PSMD4: variants seen among roughly 807,000 people sequenced by gnomAD.
The protein encoded by PSMD4 is 26S proteasome non-ATPase regulatory subunit 4.
In PSMD4, 5 loss-of-function variants were observed where a neutral mutation model predicts 39.7. That is an observed-to-expected ratio of 0.13 (90% CI 0.07 to 0.26). The LOEUF is 0.26. Ranked by LOEUF, PSMD4 falls within the 10% of genes least tolerant of loss-of-function variation. PSMD4 has a pLI of 1.00. For missense variants in PSMD4, 272 were observed against 486.1 expected (o/e 0.56, Z 4.14); for synonymous variants, 143 against 174.6 (o/e 0.82, Z 1.43).
intron 1 of PSMD4, among the ~76,000 whole-genome samples, chr1:151,257,533 G>C (rs1263954214): frequency 6.6e-6 from 1 of 151,892 alleles, no homozygotes; most frequent in African/African-American, 2.4e-5. Flanking sequence ...TGGGAAGAAT[G>C]GCCAATTTTA....
intron 3 of PSMD4, among the ~76,000 whole-genome samples, chr1:151,264,568 G>A (rs1198284653): frequency 2.0e-5 from 3 of 150,870 alleles, no homozygotes; most frequent in East Asian, 3.9e-4. Flanking sequence ...CTGAGATCAC[G>A]CCACTGCACT....
chr1:151,256,071 G>A (rs906337203), intron 1 of PSMD4, among the ~76,000 whole-genome samples: 2 of 79,758 alleles, frequency 2.5e-5, no homozygotes, highest in Non-Finnish European at 6.0e-5. Flanking sequence ...TCTGGCTGGG[G>A]CGTGGCTCAG....
chr1:151,258,464 T>G (rs1344151962), intron 1 of PSMD4, among the ~76,000 whole-genome samples: 2 of 113,952 alleles, frequency 1.8e-5, no homozygotes, highest in African/African-American at 3.3e-5. Flanking sequence ...TTTTTTTTTT[T>G]TTTTTTTTTT....
chr1:151,265,979 C>A, intron 6 of PSMD4, 25 bp from the exon 7 acceptor site: 1 of 1,547,470 alleles, frequency 6.5e-7, no homozygotes, highest in Non-Finnish European at 8.7e-7. Context: ...CAGGGGAGCC[C>A]TGATTATGCC....
In PSMD4 at chr1:151,264,938, G is replaced by A. The variant is rs748054856; in HGVS notation, c.369+20G>A. Reference sequence around the variant, plus strand: ...AAGGATGTGAGTCCAAGTGGCAGCTGGGGAATGTGGGGAGCCCATGTTTGG... The same window carrying A: ...AAGGATGTGAGTCCAAGTGGCAGCTAGGGAATGTGGGGAGCCCATGTTTGG... On this transcript the variant is annotated intron_variant, in intron 4 of 9. Transcript: ENST00000368884. The A allele has an allele frequency of 2.5e-6, 4 of 1,585,934 alleles. No homozygotes were observed. Among genetic ancestry groups the A allele is most frequent in the Non-Finnish European group, 3.5e-6 (4 of 1,157,352 alleles).
intron 1 of PSMD4, among the ~76,000 whole-genome samples, chr1:151,256,223 A>G (rs1304507866): frequency 6.6e-6 from 1 of 151,180 alleles, no homozygotes; most frequent in Non-Finnish European, 1.5e-5. Flanking sequence ...GGACGCCTGT[A>G]GTCCCAGCTA....
intron 1 of PSMD4, among the ~76,000 whole-genome samples, chr1:151,255,889 G>T (rs954458872): frequency 1.3e-5 from 2 of 151,868 alleles, no homozygotes; most frequent in Admixed American, 6.6e-5. Context: ...CTCTTTTCTC[G>T]CAACCTTGCC....
intron 9 of PSMD4, 160 bp from the exon 10 acceptor site, chr1:151,267,013 T>G: frequency 1.2e-6 from 1 of 855,990 alleles, no homozygotes. Context: ...GTATAAAGGA[T>G]TTTGCTGACT....
chr1:151,265,221 A>G lies in PSMD4; in HGVS notation c.425A>G (p.Asn142Ser), dbSNP rs955784712. The G allele has an allele frequency of 3.1e-5, 50 of 1,613,442 alleles. No individual in the cohort carries two copies. The highest frequency in any genetic ancestry group is 8.3e-5 in the Admixed American group (5 of 59,904). The part of the protein sequence containing the change: ...KKEKVNVDII[N>S]FGEEEVNTEK... ...GAGAAAGTAAATGTTGACATTATCA[A>G]TTTTGGGGAAGAGGTGAGTAGGGAC... The change falls in exon 5 of 10, where the codon AAT becomes AGT. Residue 142 changes from asparagine (N) to serine (S), a missense_variant. Transcript: ENST00000368884.
intron 1 of PSMD4, among the ~76,000 whole-genome samples, chr1:151,260,161 T>G (rs1196254846): frequency 1.3e-5 from 2 of 151,304 alleles, no homozygotes; most frequent in African/African-American, 4.9e-5. Flanking sequence ...ATCGAGCCAT[T>G]GCACTCCAGC....
At chr1:151,262,398 C>G in intron 2 of PSMD4, 97 bp downstream of exon 2, 1 of 1,433,884 alleles carries the variant, frequency 7.0e-7, no homozygotes. Flanking sequence ...CCATCACCTT[C>G]CTAGACTGCC....
At chr1:151,259,706 A>G (rs905662274) in intron 1 of PSMD4, among the ~76,000 whole-genome samples, 1 of 151,952 alleles carries the variant, frequency 6.6e-6, no homozygotes, top group Non-Finnish European at 1.5e-5. Flanking sequence ...CTGGGCAACA[A>G]AGTGAGACTC....
chr1:151,265,651 T>G, intron 6 of PSMD4, 42 bp downstream of exon 6: 1 of 1,582,102 alleles, frequency 6.3e-7, no homozygotes, highest in Non-Finnish European at 8.7e-7. Flanking sequence ...AAGGTCCCTC[T>G]TTGTTCTCTT....
rs144567844 is a variant in PSMD4, at chr1:151,264,878, T to C, written c.329T>C (p.Ile110Thr). 2.5e-6 allele frequency: 4 copies of C among 1,613,840 alleles called. No homozygotes were observed. In the South Asian group the frequency reaches 3.3e-5, roughly 13 times the overall value. The change falls in exon 4 of 10, where the codon ATT becomes ACT. Residue 110 changes from isoleucine to threonine, a missense_variant. By Grantham distance (89) the Ile-to-Thr change is moderately conservative (BLOSUM62 -1). Around this residue, in one of 3 missense-constraint regions of PSMD4, gnomAD observed 153 missense variants for 257.6 expected, o/e 0.59. Transcript: ENST00000368884. ...GGCAAGAATCACAAGATGCGCATCA[T>C]TGCCTTTGTGGGAAGCCCAGTGGAG... Reference protein sequence around the residue: ...RQGKNHKMRIIAFVGSPVEDN... With the variant: ...RQGKNHKMRITAFVGSPVEDN...
At position 151,261,891 on chromosome 1, in the gene PSMD4, G is replaced by A. The variant is rs114785209; in HGVS notation, c.27-270G>A. Among the ~76,000 whole-genome samples, 1,368 of 149,904 alleles carry A rather than the reference G, an allele frequency of 9.1e-3. 29 individuals carry two copies. The highest frequency in any genetic ancestry group is 0.032 in the African/African-American group (1,293 of 40,634). On this transcript the variant is annotated intron_variant, in intron 1 of 9. Transcript: ENST00000368884. ...GATCACTTGAGCCCAGGAGGTGGAAGCTGCAGTGAGCCATTAGTGCACCAC... is the reference window on the plus strand; with the variant it reads ...GATCACTTGAGCCCAGGAGGTGGAAACTGCAGTGAGCCATTAGTGCACCAC...
intron 2 of PSMD4, chr1:151,262,961 A>G (rs1693346310): frequency 6.5e-6 from 1 of 152,752 alleles, no homozygotes; most frequent in Non-Finnish European, 1.5e-5. Context: ...ACTCCAGTGT[A>G]CATACTGTTA....
rs756189475 is a variant in PSMD4 at position 151,267,208 on chromosome 1, G to A, written c.999G>A (p.Glu333=). Residue 333 remains glutamate, a synonymous_variant, in exon 10 of 10, where the codon GAG becomes GAA. Transcript: ENST00000368884. The part of the protein sequence containing the change: ...EDDYDVMQDP[E]FLQSVLENLP... ...ATTACGACGTGATGCAGGACCCCGA[G>A]TTCCTTCAGAGTGTCCTAGAGAACC... is the stretch of plus-strand genomic sequence containing the variant. 14 of 1,613,832 alleles carry A rather than the reference G, an allele frequency of 8.7e-6. No homozygotes were observed. Among genetic ancestry groups the A allele is most frequent in the Non-Finnish European group, 1.0e-5 (12 of 1,179,876 alleles).
chr1:151,266,474 T>C (rs1192228724), intron 8 of PSMD4, 35 bp downstream of exon 8: 8 of 1,613,594 alleles, frequency 5.0e-6, no homozygotes, highest in Middle Eastern at 1.6e-4. Flanking sequence ...TAGGCAGAGG[T>C]TGGGGTGAGG....
chr1:151,264,785 G>A (rs1693390990), intron 3 of PSMD4, 47 bp from the exon 4 acceptor site: 1 of 1,443,784 alleles, frequency 6.9e-7, no homozygotes, highest in East Asian at 2.3e-5. Flanking sequence ...GGAAAGAGCT[G>A]AGTGATTCCT....
Sources: allele counts gnomAD v4.1 joint callset (sites outside exome capture counted in the v4.1 genomes callset), GRCh38; gene constraint gnomAD v4.1.1; regional missense constraint gnomAD v4.1.1; transcripts MANE v1.5; gene names NCBI Gene and HGNC (gene_info 2026-07-23, HGNC 2026-07-21).